Variants in LRP1B observed in about 807,000 individuals in gnomAD.
The protein encoded by LRP1B is low-density lipoprotein receptor-related protein 1B.
A neutral mutation model predicts 556.6 loss-of-function variants in LRP1B; 217 were observed. The observed-to-expected ratio is 0.39, with a 90% confidence interval of 0.35 to 0.44. LRP1B has a LOEUF of 0.44. LRP1B is among the 20% of genes least tolerant of loss of function. The probability of loss-of-function intolerance (pLI) is 1.00; values close to 1 mark genes in which losing one functional copy is unlikely to be tolerated. For missense variants in LRP1B, 5,053 were observed against 5,620.8 expected (o/e 0.90, Z 3.23); for synonymous variants, 2,047 against 1,865.8 (o/e 1.10, Z -2.50).
chr2:141,620,843 G>T (rs1420825294), intron 2 of LRP1B, among the ~76,000 whole-genome samples: 1 of 151,442 alleles, frequency 6.6e-6, no homozygotes, highest in Admixed American at 6.6e-5. Context: ...TAAGTGGCTT[G>T]TATCATTCAG....
intron 43 of LRP1B, among the ~76,000 whole-genome samples, chr2:140,588,948 A>T (rs1682105185): frequency 6.8e-6 from 1 of 147,722 alleles, no homozygotes; most frequent in South Asian, 2.2e-4. Flanking sequence ...GGGCAACAGA[A>T]CGAGACTCCG....
chr2:142,022,682 A>T lies in LRP1B; in HGVS notation c.82+107966T>A, dbSNP rs938875063. Among the ~76,000 whole-genome samples the T allele has an allele frequency of 2.8e-4, 42 of 151,888 alleles. 1 individual carries two copies. Among genetic ancestry groups the T allele is most frequent in the Middle Eastern group, 6.8e-3 (2 of 292 alleles). The stretch of plus-strand genomic sequence containing the variant: ...TTTATTTTATTTTATTTATTTATTT[A>T]TTTTTTGAGATGGAGTCTTGCTCTG... On this transcript the variant is annotated intron_variant, in intron 1 of 90. Transcript: ENST00000389484.
At chr2:140,731,792 A>C (rs543592842) in intron 35 of LRP1B, among the ~76,000 whole-genome samples, 27 of 147,182 alleles carry the variant, frequency 1.8e-4, no homozygotes, top group East Asian at 1.2e-3. Context: ...AAAAAAAAAG[A>C]AGCAGCAACA....
At chr2:141,900,878 G>C (rs1699599191) in intron 1 of LRP1B, among the ~76,000 whole-genome samples, 1 of 151,758 alleles carries the variant, frequency 6.6e-6, no homozygotes, top group Admixed American at 6.6e-5. Flanking sequence ...TCTGTTTCTT[G>C]CTGGGAACCT....
intron 2 of LRP1B, among the ~76,000 whole-genome samples, chr2:141,655,360 G>A (rs1379560133): frequency 6.6e-6 from 1 of 152,078 alleles, no homozygotes; most frequent in Non-Finnish European, 1.5e-5. Flanking sequence ...AGACAAATTT[G>A]TATTTGAGTT....
At chr2:141,791,691 G>A (rs1212814776) in intron 2 of LRP1B, among the ~76,000 whole-genome samples, 1 of 151,932 alleles carries the variant, frequency 6.6e-6, no homozygotes, top group Non-Finnish European at 1.5e-5. Context: ...AACTAGTGTG[G>A]AATGAGAACC....
At position 141,322,472 on chromosome 2, in the gene LRP1B, G is replaced by T. The variant is rs191961584; in HGVS notation, c.344-67831C>A. Among the ~76,000 whole-genome samples, 581 of 152,044 alleles carry T rather than the reference G, an allele frequency of 3.8e-3. 5 individuals are homozygous for T. Among genetic ancestry groups the T allele is most frequent in the African/African-American group, 0.012 (518 of 41,480 alleles). ...CTGGTGGGATATTCGAATTGTTGAG[G>T]GAAAAACTGAAAGCAGAGAAGATAG... is the stretch of plus-strand genomic sequence containing the variant. On this transcript the variant is annotated intron_variant, in intron 3 of 90. Coordinates refer to ENST00000389484, the MANE Select transcript of LRP1B (RefSeq NM_018557.3).
chr2:141,941,699 C>T (rs972454547), intron 1 of LRP1B, among the ~76,000 whole-genome samples: 2 of 152,122 alleles, frequency 1.3e-5, no homozygotes, highest in Non-Finnish European at 2.9e-5. Flanking sequence ...GAGGGTAAAC[C>T]ATGAAGAGTC....
At chr2:140,464,817 C>A (rs778720292) in intron 60 of LRP1B, among the ~76,000 whole-genome samples, 3 of 152,038 alleles carry the variant, frequency 2.0e-5, no homozygotes, top group Non-Finnish European at 4.4e-5. Context: ...AAAACTGAAG[C>A]CTTTGAAAAG....
At chr2:141,430,277 C>T (rs979875561) in intron 3 of LRP1B, among the ~76,000 whole-genome samples, 4 of 152,114 alleles carry the variant, frequency 2.6e-5, no homozygotes, top group African/African-American at 4.8e-5. Context: ...CTCACTCTTA[C>T]GTTTCTATCT....
chr2:141,229,941 G>T (rs1042050430), intron 5 of LRP1B, among the ~76,000 whole-genome samples: 1 of 152,120 alleles, frequency 6.6e-6, no homozygotes, highest in African/African-American at 2.4e-5. Context: ...AACCCCAAGA[G>T]CCAAACAATC....
intron 18 of LRP1B, among the ~76,000 whole-genome samples, chr2:140,977,531 A>G (rs1466667158): frequency 6.6e-6 from 1 of 152,218 alleles, no homozygotes; most frequent in East Asian, 1.9e-4. Context: ...GATAAAATCA[A>G]ATACACATGG....
chr2:141,058,736 A>G, intron 9 of LRP1B, 147 bp downstream of exon 9: 1 of 498,944 alleles, frequency 2.0e-6, no homozygotes, highest in Non-Finnish European at 3.3e-6. Flanking sequence ...CGGGAGCTCT[A>G]TTCCATTTAA....
At chr2:141,713,915 G>C (rs1692469375) in intron 2 of LRP1B, among the ~76,000 whole-genome samples, 1 of 152,088 alleles carries the variant, frequency 6.6e-6, no homozygotes, top group Admixed American at 6.5e-5. Context: ...ATAAGCTATA[G>C]AGCAATGTTG....
intron 35 of LRP1B, among the ~76,000 whole-genome samples, chr2:140,748,297 T>C (rs1233289761): frequency 1.3e-5 from 1 of 75,600 alleles, no homozygotes; most frequent in Non-Finnish European, 2.8e-5. Context: ...TATGTATATA[T>C]ATTCATATAT....
rs1028692069 is a variant in LRP1B at position 140,612,223 on chromosome 2, T to C, written c.6800-10584A>G. 3.0e-4 allele frequency among the ~76,000 whole-genome samples: 46 copies of C among 152,128 alleles called. 1 individual carries two copies. Among genetic ancestry groups the C allele is most frequent in the Admixed American group, 1.2e-3 (18 of 15,272 alleles). ...TAGGTGGCAGATATTTTATGAGGTGTAATAATTCAGGAAAGTGTATGTTAT... is the reference window on the plus strand; with the variant it reads ...TAGGTGGCAGATATTTTATGAGGTGCAATAATTCAGGAAAGTGTATGTTAT... On this transcript the variant is annotated intron_variant, in intron 41 of 90. Transcript: ENST00000389484.
At chr2:141,916,133 C>T (rs925896167) in intron 1 of LRP1B, among the ~76,000 whole-genome samples, 8 of 152,150 alleles carry the variant, frequency 5.3e-5, no homozygotes, top group Admixed American at 4.6e-4. Context: ...CATATGTTCA[C>T]TGCAGCACTA....
Position 141,262,230 on chromosome 2 carries a change from G to T in LRP1B, c.344-7589C>A, listed in dbSNP as rs115575826. ...TTCAATCTTCTGCCGACTGTTATTA[G>T]GTTGTTTTCTTATTATTGAGCTCTG... On this transcript the variant is annotated intron_variant, in intron 3 of 90. Coordinates refer to ENST00000389484, the MANE Select transcript of LRP1B (RefSeq NM_018557.3). Among the ~76,000 whole-genome samples, 1,300 of 151,796 alleles carry T rather than the reference G, an allele frequency of 8.6e-3. 7 individuals are homozygous for T. Among genetic ancestry groups the T allele is most frequent in the Non-Finnish European group, 0.014 (938 of 67,928 alleles).
intron 43 of LRP1B, among the ~76,000 whole-genome samples, chr2:140,555,070 G>A (rs969378426): frequency 1.3e-5 from 2 of 151,720 alleles, no homozygotes; most frequent in East Asian, 1.9e-4. Flanking sequence ...TCTGGATCTC[G>A]CTGTCTAAAT....
Sources: allele counts gnomAD v4.1 joint callset (sites outside exome capture counted in the v4.1 genomes callset), GRCh38; gene constraint gnomAD v4.1.1; transcripts MANE v1.5; gene names NCBI Gene and HGNC (gene_info 2026-07-23, HGNC 2026-07-21).